The following BEGAIN variants were observed in gnomAD, a reference collection of about 807,000 sequenced individuals.
BEGAIN encodes brain-enriched guanylate kinase-associated protein.
BEGAIN carries 19 observed loss-of-function variants against 35.8 expected under a neutral mutation model. That is an observed-to-expected ratio of 0.53 (90% CI 0.37 to 0.78). BEGAIN has a LOEUF of 0.78. Ranked by LOEUF, BEGAIN falls within the 30% of genes least tolerant of loss-of-function variation. The pLI is 0.00. For synonymous variants in BEGAIN, 462 were observed against 388.6 expected (o/e 1.19, Z -2.22); for missense variants, 795 against 853.6 (o/e 0.93, Z 0.85).
At position 100,567,875 on chromosome 14, in the gene BEGAIN, C is replaced by A. The variant is rs111246626; in HGVS notation, c.71+36G>T. On this transcript the variant is annotated intron_variant, in intron 2 of 6. Coordinates refer to ENST00000554140, the MANE Select transcript of BEGAIN (RefSeq NM_001385089.1). The surrounding 1 kb of genome is among the most constrained non-coding windows in gnomAD (Gnocchi z 5.1). ...CCAGCGCCCTCACCCCCGACCCGGCCCCCGCGAGCCGCGGCACGGGAGACG... is the reference window on the plus strand; with the variant it reads ...CCAGCGCCCTCACCCCCGACCCGGCACCCGCGAGCCGCGGCACGGGAGACG... 1 of 1,463,810 alleles carries A rather than the reference C, an allele frequency of 6.8e-7. No individual in the cohort carries two copies. Among genetic ancestry groups the A allele is most frequent in the South Asian group, 1.3e-5 (1 of 79,600 alleles). The allele number at this position is 1,463,810 out of a possible 1,614,324, so 90.7% of individuals were successfully genotyped here. A position where few individuals can be genotyped will look rare whatever the true frequency, so the allele number is the denominator to read the frequency against.
chr14:100,582,145 C>CT (rs1295194853), intron 1 of BEGAIN, among the ~76,000 whole-genome samples: 1 of 152,058 alleles, frequency 6.6e-6, no homozygotes, highest in Non-Finnish European at 1.5e-5. Flanking sequence ...TCCTTTCTTT[C>CT]TTTTTTCTCT....
Position 100,545,050 on chromosome 14 carries a change from T to G in BEGAIN, c.250A>C (p.Met84Leu). ...EKLRRIQSNY[M>L]ALQRINQELE... The stretch of plus-strand genomic sequence containing the variant: ...TCCTGGTTGATCCTCTGCAGTGCCA[T>G]GTAGTTGCTCTGAATCCTGGTGCAG... The change falls in exon 4 of 7, where the codon ATG becomes CTG. Residue 84 changes from methionine (M) to leucine (L), a missense_variant. Met to Leu is a conservative substitution (Grantham distance 15). Coordinates refer to ENST00000554140, the MANE Select transcript of BEGAIN (RefSeq NM_001385089.1). 6.2e-7 allele frequency: 1 copy of G among 1,613,408 alleles called. No homozygotes were observed. Among genetic ancestry groups the G allele is most frequent in the East Asian group, 2.2e-5 (1 of 44,872 alleles).
chr14:100,579,065 T>C (rs142676402), intron 1 of BEGAIN, among the ~76,000 whole-genome samples: 360 of 152,316 alleles, frequency 2.4e-3, no homozygotes, highest in African/African-American at 8.4e-3. Flanking sequence ...TTCACCATGT[T>C]GGTCAGGCTA....
rs115456103 is a variant in BEGAIN, at chr14:100,572,152, G to A, written c.43-4213C>T. Among the ~76,000 whole-genome samples, 560 of 152,298 alleles carry A rather than the reference G, an allele frequency of 3.7e-3. 9 individuals are homozygous for A. Among genetic ancestry groups the A allele is most frequent in the African/African-American group, 0.013 (542 of 41,570 alleles). Reference sequence around the variant, plus strand: ...CCCTTCTTCAAGCCTGCCCCTGCGCGGGAGGGCACAGAGCCCCTTGGTACC... The same window carrying A: ...CCCTTCTTCAAGCCTGCCCCTGCGCAGGAGGGCACAGAGCCCCTTGGTACC... On this transcript the variant is annotated intron_variant, in intron 1 of 6. Transcript: ENST00000554140.
At chr14:100,550,396 C>T (rs1319805000) in intron 2 of BEGAIN, 4 of 398,926 alleles carry the variant, frequency 1.0e-5, no homozygotes, top group Non-Finnish European at 8.8e-6. Context: ...ACCAGGGAGC[C>T]GGGGGAGACA....
chr14:100,577,698 G>A (rs965256475), intron 1 of BEGAIN: 1 of 399,098 alleles, frequency 2.5e-6, no homozygotes. Context: ...CTGTGTTCAG[G>A]GACTCTGGGG....
At chr14:100,578,856 CTTTTTTTTTT>C (rs529546763) in intron 1 of BEGAIN, among the ~76,000 whole-genome samples, 2 of 127,020 alleles carry the variant, frequency 1.6e-5, no homozygotes, top group South Asian at 5.0e-4. Context: ...GCCTCTGGTA[CTTTTTTTTTT>C]TTTTTTTTTT....
Position 100,586,615 on chromosome 14 carries a change from C to T in BEGAIN, c.42+634G>A, listed in dbSNP as rs1269515357. Among the ~76,000 whole-genome samples, 2 of 152,178 alleles carry T rather than the reference C, an allele frequency of 1.3e-5. No individual in the cohort carries two copies. Among genetic ancestry groups the T allele is most frequent in the South Asian group, 2.1e-4 (1 of 4,832 alleles). On this transcript the variant is annotated intron_variant, in intron 1 of 6. Coordinates refer to ENST00000554140, the MANE Select transcript of BEGAIN (RefSeq NM_001385089.1). This position sits in a 1 kb window ranked among gnomAD's most constrained non-coding sequence, Gnocchi z 4.9. ...TGGGGCTCAGGGAGGGTGAGCGCGC[C>T]GGCTGAGCCGCTCTGGGCGAGGCCC...
chr14:100,567,803 G>A lies in BEGAIN; in HGVS notation c.71+108C>T. 1.7e-6 allele frequency: 2 copies of A among 1,167,812 alleles called. No homozygotes were observed. Among genetic ancestry groups the A allele is most frequent in the African/African-American group, 1.7e-5 (1 of 59,802 alleles). The allele number at this position is 1,167,812 out of a possible 1,614,324, so 72.3% of individuals were successfully genotyped here. ...CCGCAGCCCCGCCGAGGCCGCCCGCGGGCCCTGGGGGATGCGCTCGGGTGG... is the reference window on the plus strand; with the variant it reads ...CCGCAGCCCCGCCGAGGCCGCCCGCAGGCCCTGGGGGATGCGCTCGGGTGG... On this transcript the variant is annotated intron_variant, in intron 2 of 6. Coordinates refer to ENST00000554140, the MANE Select transcript of BEGAIN (RefSeq NM_001385089.1). This position sits in a 1 kb window ranked among gnomAD's most constrained non-coding sequence, Gnocchi z 5.1.
intron 5 of BEGAIN, among the ~76,000 whole-genome samples, chr14:100,541,453 A>T (rs2031596803): frequency 6.6e-6 from 1 of 152,058 alleles, no homozygotes. Context: ...TCCCCCCACC[A>T]CGGCCCTGGA....
At chr14:100,559,011 C>G (rs1354783122) in intron 2 of BEGAIN, among the ~76,000 whole-genome samples, 2 of 152,098 alleles carry the variant, frequency 1.3e-5, no homozygotes, top group Non-Finnish European at 2.9e-5. Flanking sequence ...AGGGGTGGGC[C>G]TGGGGTCAGC....
In BEGAIN at chr14:100,566,264, G is replaced by A. The variant is rs151021261; in HGVS notation, c.71+1647C>T. Among the ~76,000 whole-genome samples, 172 of 152,346 alleles carry A rather than the reference G, an allele frequency of 1.1e-3. 1 individual carries two copies. The highest frequency in any genetic ancestry group is 4.0e-3 in the African/African-American group (166 of 41,582). ...GCCCGCCTGGGACAGCAACGCTGAC[G>A]CCATCAGCAGCTCAGGCAGCAGATC... On this transcript the variant is annotated intron_variant, in intron 2 of 6. Coordinates refer to ENST00000554140, the MANE Select transcript of BEGAIN (RefSeq NM_001385089.1).
chr14:100,577,856 G>A (rs773000405), intron 1 of BEGAIN: 83 of 399,200 alleles, frequency 2.1e-4, no homozygotes, highest in Non-Finnish European at 3.3e-4. Context: ...TCCTTGATGG[G>A]GGCTTCTGTC....
At position 100,547,936 on chromosome 14, in the gene BEGAIN, C is replaced by T. The variant is rs938424399; in HGVS notation, c.72-1274G>A. ...GCAGAGGCATCTTCTGTCTGGGCCC[C>T]GTGAGTAAACCGCATGTGGCACTGC... is the stretch of plus-strand genomic sequence containing the variant. On this transcript the variant is annotated intron_variant, in intron 2 of 6. Transcript: ENST00000554140. 1.6e-4 allele frequency: 24 copies of T among 152,290 alleles called. 1 individual carries two copies. The highest frequency in any genetic ancestry group is 4.8e-4 in the African/African-American group (20 of 41,538). The allele number at this position is 152,290 out of a possible 1,614,324, so 9.4% of individuals were successfully genotyped here. A position where few individuals can be genotyped will look rare whatever the true frequency, so the allele number is the denominator to read the frequency against.
At chr14:100,539,358 T>C in intron 6 of BEGAIN, 43 bp from the exon 7 acceptor site, 1 of 1,510,182 alleles carries the variant, frequency 6.6e-7, no homozygotes, top group Non-Finnish European at 8.8e-7. Context: ...ACAGGGTCAC[T>C]GTTAGCATGG....
Position 100,537,960 on chromosome 14 carries a change from C to A in BEGAIN, c.*9G>T. ...GGAGCGAACCACGGCCAGGCCTGCACGCAGGCGCTCAGTTGAGCAAGGTTC... is the reference window on the plus strand; with the variant it reads ...GGAGCGAACCACGGCCAGGCCTGCAAGCAGGCGCTCAGTTGAGCAAGGTTC... On this transcript the variant is annotated 3_prime_UTR_variant, in exon 7 of 7. Transcript: ENST00000554140. The A allele has an allele frequency of 6.2e-7, 1 of 1,601,000 alleles. No individual in the cohort carries two copies. The highest frequency in any genetic ancestry group is 1.1e-5 in the South Asian group (1 of 89,648).
chr14:100,541,174 C>G (rs1190092042), intron 5 of BEGAIN, among the ~76,000 whole-genome samples: 8 of 152,262 alleles, frequency 5.3e-5, no homozygotes, highest in Admixed American at 5.2e-4. Flanking sequence ...GAGCTGAAAA[C>G]AGATGCAAAC....
intron 2 of BEGAIN, among the ~76,000 whole-genome samples, chr14:100,553,067 C>T (rs1243755883): frequency 6.6e-6 from 1 of 152,166 alleles, no homozygotes; most frequent in Admixed American, 6.5e-5. Flanking sequence ...GGGCACATCT[C>T]CTCTCAGGAC....
rs2034806687 is a variant in BEGAIN, at chr14:100,567,565, G to A, written c.71+346C>T. Among the ~76,000 whole-genome samples, 1 of 151,996 alleles carries A rather than the reference G, an allele frequency of 6.6e-6. No individual in the cohort carries two copies. The highest frequency in any genetic ancestry group is 2.4e-5 in the African/African-American group (1 of 41,410). Reference sequence around the variant, plus strand: ...CGGAACGGCACGAACGGAACCCGGAGGGTCCCCGGGGACCAGCGAGAGTCC... The same window carrying A: ...CGGAACGGCACGAACGGAACCCGGAAGGTCCCCGGGGACCAGCGAGAGTCC... On this transcript the variant is annotated intron_variant, in intron 2 of 6. Transcript: ENST00000554140. The surrounding 1 kb of genome is among the most constrained non-coding windows in gnomAD (Gnocchi z 5.1).
Sources: allele counts gnomAD v4.1 joint callset (sites outside exome capture counted in the v4.1 genomes callset), GRCh38; gene constraint gnomAD v4.1.1; non-coding constraint Gnocchi (gnomAD v3.1); transcripts MANE v1.5; gene names NCBI Gene and HGNC (gene_info 2026-07-23, HGNC 2026-07-21).